GRB14: variants seen among roughly 807,000 people sequenced by gnomAD.
GRB14 encodes growth factor receptor bound protein 14.
A neutral mutation model predicts 69.1 loss-of-function variants in GRB14; 38 were observed. The ratio of observed to expected loss-of-function variants is 0.55; its 90% CI spans 0.42 to 0.72. The LOEUF is 0.72. Ranked by LOEUF, GRB14 falls within the 30% of genes least tolerant of loss-of-function variation. The probability of loss-of-function intolerance (pLI) is 0.00; values close to 1 mark genes in which losing one functional copy is unlikely to be tolerated. For missense variants in GRB14, 666 were observed against 666.1 expected, an observed-to-expected ratio of 1.00 and a Z score of 0.00; for synonymous variants, 247 against 241.3, an observed-to-expected ratio of 1.02 and a Z score of -0.22.
intron 8 of GRB14, among the ~76,000 whole-genome samples, chr2:164,507,053 T>C (rs539387647): frequency 1.3e-4 from 20 of 152,318 alleles, no homozygotes; most frequent in African/African-American, 4.8e-4. Flanking sequence ...CACTGAATTA[T>C]TCACATTAAC....
At chr2:164,586,005 C>T (rs1689529114) in intron 2 of GRB14, among the ~76,000 whole-genome samples, 10 of 152,166 alleles carry the variant, frequency 6.6e-5, no homozygotes, top group Admixed American at 6.5e-4. Flanking sequence ...TGCCTTAAGT[C>T]ATTTCAGTGC....
At chr2:164,505,634 A>G (rs1381569685) in intron 8 of GRB14, among the ~76,000 whole-genome samples, 1 of 152,148 alleles carries the variant, frequency 6.6e-6, no homozygotes, top group Admixed American at 6.6e-5. Context: ...TATATATTTT[A>G]TTTTATATTT....
At chr2:164,565,718 A>C (rs1485852227) in intron 2 of GRB14, among the ~76,000 whole-genome samples, 2 of 152,242 alleles carry the variant, frequency 1.3e-5, no homozygotes, top group Non-Finnish European at 2.9e-5. Context: ...AACGTTCTTC[A>C]CCAGAACCTT....
chr2:164,561,657 C>T (rs567958484), intron 2 of GRB14, among the ~76,000 whole-genome samples: 7 of 152,216 alleles, frequency 4.6e-5, no homozygotes, highest in Admixed American at 2.6e-4. Context: ...AGCAGAGGCC[C>T]GGACCTCTGT....
intron 2 of GRB14, chr2:164,568,560 G>T: frequency 1.3e-6 from 1 of 770,472 alleles, no homozygotes; most frequent in Non-Finnish European, 1.6e-6. Flanking sequence ...TGTGGGACAG[G>T]ACAAGGCAGC....
At chr2:164,568,127 G>T (rs574187490) in intron 2 of GRB14, among the ~76,000 whole-genome samples, 1 of 152,120 alleles carries the variant, frequency 6.6e-6, no homozygotes, top group Admixed American at 6.5e-5. Context: ...CGATGTCCTA[G>T]CGCAGTATTA....
At chr2:164,587,085 C>T (rs2105342807) in intron 2 of GRB14, among the ~76,000 whole-genome samples, 1 of 152,198 alleles carries the variant, frequency 6.6e-6, no homozygotes, top group South Asian at 2.1e-4. Flanking sequence ...AATGAACTAT[C>T]ATAATAGCAA....
chr2:164,576,004 A>T (rs988030934), intron 2 of GRB14, among the ~76,000 whole-genome samples: 2 of 152,164 alleles, frequency 1.3e-5, no homozygotes, highest in African/African-American at 4.8e-5. Context: ...TATGGGAAAG[A>T]GAACCCTCTA....
intron 9 of GRB14, among the ~76,000 whole-genome samples, chr2:164,501,565 C>G (rs1358689167): frequency 6.6e-6 from 1 of 151,826 alleles, no homozygotes; most frequent in African/African-American, 2.4e-5. Flanking sequence ...AAAATTAGAT[C>G]CTAAAGAAGG....
intron 2 of GRB14, among the ~76,000 whole-genome samples, chr2:164,593,612 C>T (rs1193725053): frequency 1.3e-5 from 2 of 152,080 alleles, no homozygotes; most frequent in African/African-American, 2.4e-5. Context: ...ATCATGAGAC[C>T]CTGGAAACAG....
At chr2:164,553,062 C>A (rs1274889611) in intron 2 of GRB14, among the ~76,000 whole-genome samples, 1 of 152,132 alleles carries the variant, frequency 6.6e-6, no homozygotes, top group Non-Finnish European at 1.5e-5. Context: ...CTCCTGACTA[C>A]CCCCATATGT....
In GRB14 at chr2:164,520,690, A is replaced by G. The variant is rs200008916; in HGVS notation, c.816+1290T>C. The stretch of plus-strand genomic sequence containing the variant: ...AAAACAAAGAATCCCATCAAAAAGT[A>G]CGCTGAAGACATCAATAAAAAACTC... On this transcript the variant is annotated intron_variant, in intron 6 of 13. Coordinates refer to ENST00000263915, the MANE Select transcript of GRB14 (RefSeq NM_004490.3). Among the ~76,000 whole-genome samples, 9 of 151,998 alleles carry G rather than the reference A, an allele frequency of 5.9e-5. No individual in the cohort carries two copies. The East Asian group carries it at 1.7e-3, about 29-fold the overall frequency.
At chr2:164,594,723 A>C (rs540053069) in intron 2 of GRB14, among the ~76,000 whole-genome samples, 2 of 152,332 alleles carry the variant, frequency 1.3e-5, no homozygotes, top group Non-Finnish European at 2.9e-5. Flanking sequence ...TTCATAAGTG[A>C]TTCTATGGCT....
intron 2 of GRB14, among the ~76,000 whole-genome samples, chr2:164,608,609 A>G (rs1690095995): frequency 1.3e-5 from 2 of 152,044 alleles, no homozygotes; most frequent in Admixed American, 6.6e-5. Flanking sequence ...AAAAAAAGTT[A>G]AATTAATACA....
chr2:164,501,875 A>G (rs1687061390), intron 9 of GRB14, among the ~76,000 whole-genome samples: 1 of 152,058 alleles, frequency 6.6e-6, no homozygotes, highest in East Asian at 1.9e-4. Flanking sequence ...AACCACAATC[A>G]AAACCAATAA....
At chr2:164,564,688 A>T (rs1037722308) in intron 2 of GRB14, among the ~76,000 whole-genome samples, 2 of 152,274 alleles carry the variant, frequency 1.3e-5, no homozygotes, top group East Asian at 3.9e-4. Context: ...TGTAGCATGG[A>T]TGAAGAATGC....
At chr2:164,554,367 T>C (rs920895954) in intron 2 of GRB14, among the ~76,000 whole-genome samples, 1 of 152,308 alleles carries the variant, frequency 6.6e-6, no homozygotes, top group African/African-American at 2.4e-5. Flanking sequence ...TTCATATCAA[T>C]TTATTTACAA....
At chr2:164,580,709 G>GA (rs58711289) in intron 2 of GRB14, among the ~76,000 whole-genome samples, 89 of 142,706 alleles carry the variant, frequency 6.2e-4, no homozygotes, top group Admixed American at 2.3e-3. Context: ...ATCTCAGGAA[G>GA]AAAAAAAAAA....
chr2:164,576,428 A>T (rs776215534), intron 2 of GRB14, among the ~76,000 whole-genome samples: 2 of 151,988 alleles, frequency 1.3e-5, no homozygotes, highest in Non-Finnish European at 2.9e-5. Flanking sequence ...ACTTGATCAC[A>T]TTGGACATCA....
Sources: gnomAD v4.1 joint callset for allele counts (sites outside exome capture counted in the v4.1 genomes callset) on GRCh38, gnomAD v4.1.1 for gene constraint, MANE v1.5 for transcripts, NCBI Gene and HGNC (gene_info 2026-07-23, HGNC 2026-07-21) for gene names.